Variants in CNTN5 observed in about 807,000 individuals in gnomAD.
The protein encoded by CNTN5 is contactin-5.
Under a neutral mutation model 129.1 loss-of-function variants are expected in CNTN5, and 77 were observed. The observed-to-expected ratio is 0.60, with a 90% CI of 0.50 to 0.72. The LOEUF is 0.72. Ranked by LOEUF, CNTN5 falls within the 30% of genes least tolerant of loss-of-function variation. The pLI is 0.00. For missense variants in CNTN5, 1,478 were observed against 1,328.8 expected (o/e 1.11, Z -1.75); for synonymous variants, 509 against 465.6 (o/e 1.09, Z -1.20).
At chr11:100,254,999 G>A (rs1466888790) in intron 16 of CNTN5, among the ~76,000 whole-genome samples, 1 of 152,040 alleles carries the variant, frequency 6.6e-6, no homozygotes, top group Non-Finnish European at 1.5e-5. Flanking sequence ...CTCAAATCTG[G>A]TTATAATTCG....
At chr11:99,774,949 G>A (rs959217796) in intron 3 of CNTN5, among the ~76,000 whole-genome samples, 1 of 152,024 alleles carries the variant, frequency 6.6e-6, no homozygotes, top group African/African-American at 2.4e-5. Context: ...ATTTTATTTG[G>A]ATCTATTTTA....
intron 7 of CNTN5, among the ~76,000 whole-genome samples, chr11:99,941,197 T>G (rs1403734233): frequency 6.6e-6 from 1 of 152,044 alleles, no homozygotes; most frequent in Non-Finnish European, 1.5e-5. Context: ...CTGGAATTGG[T>G]TCAAGTCTCA....
chr11:99,744,325 A>G (rs1943976864), intron 3 of CNTN5, among the ~76,000 whole-genome samples: 1 of 151,884 alleles, frequency 6.6e-6, no homozygotes, highest in African/African-American at 2.4e-5. Context: ...CCCCACAAAC[A>G]AACAAACAAA....
intron 8 of CNTN5, among the ~76,000 whole-genome samples, chr11:99,971,958 C>G (rs1311798369): frequency 6.8e-6 from 1 of 147,850 alleles, no homozygotes; most frequent in Non-Finnish European, 1.5e-5. Context: ...GAAAAAAAAA[C>G]AAAAAAAACG....
At chr11:99,841,339 T>A (rs1016705356) in intron 4 of CNTN5, among the ~76,000 whole-genome samples, 1 of 152,134 alleles carries the variant, frequency 6.6e-6, no homozygotes, top group Non-Finnish European at 1.5e-5. Context: ...CCGGACCATA[T>A]TTTATTTCTC....
At chr11:99,701,947 C>A (rs1591500962) in intron 3 of CNTN5, among the ~76,000 whole-genome samples, 1 of 150,932 alleles carries the variant, frequency 6.6e-6, no homozygotes, top group South Asian at 2.1e-4. Context: ...AAAAGCATTC[C>A]AAATTGCTTA....
chr11:100,278,467 T>A (rs1950564237), intron 18 of CNTN5, among the ~76,000 whole-genome samples: 1 of 152,110 alleles, frequency 6.6e-6, no homozygotes, highest in Non-Finnish European at 1.5e-5. Context: ...TCTATTATTT[T>A]GTGTCCTTTT....
At chr11:99,720,186 T>C (rs1353653088) in intron 3 of CNTN5, among the ~76,000 whole-genome samples, 2 of 152,102 alleles carry the variant, frequency 1.3e-5, no homozygotes, top group African/African-American at 4.8e-5. Flanking sequence ...GCCAGCATCA[T>C]CTTGCTACCA....
At chr11:99,121,145 T>A (rs894480625) in intron 1 of CNTN5, among the ~76,000 whole-genome samples, 16 of 150,964 alleles carry the variant, frequency 1.1e-4, no homozygotes, top group African/African-American at 3.9e-4. Flanking sequence ...CTTTTTTTTT[T>A]TTTTTTTGAG....
chr11:100,215,776 A>C (rs1021010744), intron 15 of CNTN5, among the ~76,000 whole-genome samples: 1 of 152,140 alleles, frequency 6.6e-6, no homozygotes, highest in East Asian at 1.9e-4. Flanking sequence ...TGTACTCTAG[A>C]GAGAGGTTGT....
intron 3 of CNTN5, among the ~76,000 whole-genome samples, chr11:99,569,059 G>A (rs1949094596): frequency 6.6e-6 from 1 of 152,014 alleles, no homozygotes; most frequent in African/African-American, 2.4e-5. Context: ...TGGCTCTAGG[G>A]TATGCTGGAC....
chr11:100,078,529 T>C (rs1591193561), intron 13 of CNTN5, among the ~76,000 whole-genome samples: 1 of 152,208 alleles, frequency 6.6e-6, no homozygotes, highest in East Asian at 1.9e-4. Context: ...TGCTTATGAG[T>C]TCGTAGCGTT....
intron 8 of CNTN5, among the ~76,000 whole-genome samples, chr11:99,965,898 C>G (rs948388430): frequency 2.0e-5 from 3 of 152,146 alleles, no homozygotes; most frequent in Admixed American, 6.5e-5. Context: ...AAGAAGGACA[C>G]TTTCCTGAAT....
chr11:99,877,602 T>C (rs1356989822), intron 6 of CNTN5, among the ~76,000 whole-genome samples: 5 of 73,726 alleles, frequency 6.8e-5, no homozygotes, highest in Non-Finnish European at 1.4e-4. Context: ...TTCTTCATAA[T>C]CTTTAGTTTA....
chr11:99,529,472 T>A (rs1057148207), intron 2 of CNTN5, among the ~76,000 whole-genome samples: 3 of 152,184 alleles, frequency 2.0e-5, no homozygotes, highest in African/African-American at 7.2e-5. Context: ...GTGATTGGGA[T>A]TTTTAGAACT....
At chr11:100,296,041 C>T (rs1200163945) in intron 18 of CNTN5, among the ~76,000 whole-genome samples, 1 of 151,384 alleles carries the variant, frequency 6.6e-6, no homozygotes, top group African/African-American at 2.4e-5. Context: ...TTGATGGTCA[C>T]AATATTCAGA....
At chr11:99,335,278 G>A (rs1212160018) in intron 2 of CNTN5, among the ~76,000 whole-genome samples, 1 of 151,948 alleles carries the variant, frequency 6.6e-6, no homozygotes, top group Non-Finnish European at 1.5e-5. Context: ...TAAAGTCTCT[G>A]TTTTTTAGCC....
At chr11:100,047,681 AC>A (rs1942754973) in intron 9 of CNTN5, among the ~76,000 whole-genome samples, 3 of 152,184 alleles carry the variant, frequency 2.0e-5, no homozygotes, top group African/African-American at 7.2e-5. Flanking sequence ...AATCAGGGAT[AC>A]CCAGATAGCT....
At chr11:99,183,901 C>T (rs1858209335) in intron 1 of CNTN5, among the ~76,000 whole-genome samples, 2 of 151,894 alleles carry the variant, frequency 1.3e-5, no homozygotes, top group South Asian at 4.2e-4. Flanking sequence ...GTTTAATTAC[C>T]CATTCTGTTG....
Sources: gnomAD v4.1 joint callset for allele counts (sites outside exome capture counted in the v4.1 genomes callset) on GRCh38, gnomAD v4.1.1 for gene constraint, MANE v1.5 for transcripts, NCBI Gene and HGNC (gene_info 2026-07-23, HGNC 2026-07-21) for gene names.